ZFHX4: variants seen among roughly 807,000 people sequenced by gnomAD.
ZFHX4 encodes zinc finger homeobox 4.
ZFHX4 carries 56 observed loss-of-function variants against 267.6 expected under a neutral mutation model. The ratio of observed to expected loss-of-function variants is 0.21; its 90% CI spans 0.17 to 0.26. The LOEUF (loss-of-function observed/expected upper bound fraction) is 0.26, where lower values mean the gene tolerates loss of function less well. Among genes scored for constraint, ZFHX4 ranks in the 10% least tolerant of loss-of-function variants. The pLI is 1.00. For synonymous variants in ZFHX4, 1,778 were observed against 1,665.6 expected, an observed-to-expected ratio of 1.07 and a Z score of -1.64; for missense variants, 4,332 against 4,420.0, an observed-to-expected ratio of 0.98 and a Z score of 0.56.
chr8:76,710,959 G>A (rs1389935789), intron 3 of ZFHX4, among the ~76,000 whole-genome samples: 2 of 152,018 alleles, frequency 1.3e-5, no homozygotes, highest in Non-Finnish European at 2.9e-5. Context: ...CAGGATTTAG[G>A]CAGCTTTAAC....
At chr8:76,817,478 C>T (rs12335327) in intron 4 of ZFHX4, among the ~76,000 whole-genome samples, 8,356 of 152,158 alleles carry the variant, frequency 0.055, 419 homozygotes, top group African/African-American at 0.14. Flanking sequence ...TCAAGGGAAG[C>T]GTGGGGAGGT....
Position 76,851,874 on chromosome 8 carries a change from T to A in ZFHX4, c.4953T>A (p.Asp1651Glu). ...ACAGCCCTGGCCAGGGGATGTTAGA[T>A]TCCATGAGTTTAGCAGCTGTAAACA... ...NVNSPGQGML[D>E]SMSLAAVNSK... Residue 1651 changes from aspartate to glutamate, a missense_variant, in exon 10 of 11, where the codon GAT becomes GAA. Asp to Glu is a conservative substitution (Grantham distance 45). Around this residue, in one of 7 missense-constraint regions of ZFHX4, gnomAD observed 1,371 missense variants for 1,423.1 expected, o/e 0.96. Coordinates refer to ENST00000651372, the MANE Select transcript of ZFHX4 (RefSeq NM_024721.5). 6.2e-7 allele frequency: 1 copy of A among 1,613,946 alleles called. No individual in the cohort carries two copies. The highest frequency in any genetic ancestry group is 2.2e-5 in the East Asian group (1 of 44,854).
intron 5 of ZFHX4, among the ~76,000 whole-genome samples, chr8:76,835,245 A>ATATATATATG (rs1554572201): frequency 2.8e-4 from 36 of 129,152 alleles, no homozygotes; most frequent in African/African-American, 9.2e-4. Flanking sequence ...ATATATGTAT[A>ATATATATATG]TATATATATA....
chr8:76,760,819 T>C (rs1809890806), intron 3 of ZFHX4, among the ~76,000 whole-genome samples: 1 of 150,534 alleles, frequency 6.6e-6, no homozygotes, highest in Non-Finnish European at 1.5e-5. Flanking sequence ...TCCCAGCTAC[T>C]TGGGAAGCTG....
chr8:76,774,654 A>C (rs1810357845), intron 3 of ZFHX4, among the ~76,000 whole-genome samples: 1 of 152,128 alleles, frequency 6.6e-6, no homozygotes, highest in Non-Finnish European at 1.5e-5. Context: ...TTTCTCATAA[A>C]AATTAGAATT....
At chr8:76,758,757 G>A (rs1809832596) in intron 3 of ZFHX4, among the ~76,000 whole-genome samples, 1 of 152,108 alleles carries the variant, frequency 6.6e-6, no homozygotes. Flanking sequence ...GCCCCCCAAA[G>A]TGCTGGGATT....
At chr8:76,799,794 C>T (rs931836112) in intron 4 of ZFHX4, among the ~76,000 whole-genome samples, 10 of 152,164 alleles carry the variant, frequency 6.6e-5, no homozygotes, top group Non-Finnish European at 1.5e-4. Flanking sequence ...TTCCTCGTCA[C>T]GATGTGAATC....
chr8:76,711,192 C>T (rs931784827), intron 3 of ZFHX4, among the ~76,000 whole-genome samples: 1 of 152,142 alleles, frequency 6.6e-6, no homozygotes, highest in East Asian at 1.9e-4. Flanking sequence ...TTTTTGGCAG[C>T]ATTATTTTCC....
At chr8:76,752,337 A>T (rs1261144476) in intron 3 of ZFHX4, among the ~76,000 whole-genome samples, 2 of 147,012 alleles carry the variant, frequency 1.4e-5, no homozygotes, top group African/African-American at 5.0e-5. Context: ...AAAGAGTATT[A>T]AAAAAAAAAC....
rs368538831 is a variant in ZFHX4, at chr8:76,783,860, A to G, written c.3325+5421A>G. Among the ~76,000 whole-genome samples, 16 of 152,148 alleles carry G rather than the reference A, an allele frequency of 1.1e-4. No individual in the cohort carries two copies. The East Asian group carries it at 1.9e-3, about 18-fold the overall frequency. ...TCAATAAATATATTAAGAATCGCAA[A>G]CAAATTAAAAATTGAGTATTTCCCA... On this transcript the variant is annotated intron_variant, in intron 4 of 10. Transcript: ENST00000651372.
At chr8:76,771,161 T>C (rs1297231687) in intron 3 of ZFHX4, among the ~76,000 whole-genome samples, 1 of 152,140 alleles carries the variant, frequency 6.6e-6, no homozygotes, top group East Asian at 1.9e-4. Flanking sequence ...GTTGGCATAC[T>C]CAAATAGCAT....
intron 4 of ZFHX4, among the ~76,000 whole-genome samples, chr8:76,803,018 T>C (rs1292147269): frequency 6.6e-6 from 1 of 152,124 alleles, no homozygotes; most frequent in African/African-American, 2.4e-5. Context: ...TTTGTATCCT[T>C]TAGTGGCTCT....
At chr8:76,703,904 T>A in intron 1 of ZFHX4, 139 bp from the exon 2 acceptor site, 1 of 629,144 alleles carries the variant, frequency 1.6e-6, no homozygotes, top group Non-Finnish European at 2.7e-6. Flanking sequence ...CTGTGATAGA[T>A]AGGCACGCCG....
At chr8:76,747,360 T>C (rs1324106891) in intron 3 of ZFHX4, among the ~76,000 whole-genome samples, 1 of 152,152 alleles carries the variant, frequency 6.6e-6, no homozygotes, top group Non-Finnish European at 1.5e-5. Context: ...GGAGTACAAA[T>C]GATGTCACCA....
chr8:76,752,225 A>C lies in ZFHX4; in HGVS notation c.3094-25983A>C, dbSNP rs537905099. Reference sequence around the variant, plus strand: ...AATGGTGTAATGTTCAATTACCTGCATGAAGGCAAGAGAATGAAAAATATT... The same window carrying C: ...AATGGTGTAATGTTCAATTACCTGCCTGAAGGCAAGAGAATGAAAAATATT... On this transcript the variant is annotated intron_variant, in intron 3 of 10. Coordinates refer to ENST00000651372, the MANE Select transcript of ZFHX4 (RefSeq NM_024721.5). 4.0e-3 allele frequency among the ~76,000 whole-genome samples: 616 copies of C among 152,302 alleles called. 2 individuals carry two copies. Among genetic ancestry groups the C allele is most frequent in the Middle Eastern group, 0.01 (3 of 294 alleles).
At chr8:76,752,043 A>T (rs1433657953) in intron 3 of ZFHX4, among the ~76,000 whole-genome samples, 1 of 152,158 alleles carries the variant, frequency 6.6e-6, no homozygotes, top group African/African-American at 2.4e-5. Flanking sequence ...TGAAAATAAG[A>T]TGAGGTTTGA....
Position 76,863,689 on chromosome 8 carries a change from C to A in ZFHX4, c.9975C>A (p.Asn3325Lys), listed in dbSNP as rs754520361. The A allele has an allele frequency of 1.4e-5, 22 of 1,591,288 alleles. No individual in the cohort carries two copies. Among genetic ancestry groups the A allele is most frequent in the Non-Finnish European group, 1.5e-5 (17 of 1,168,276 alleles). Residue 3325 changes from asparagine to lysine, a missense_variant, in exon 11 of 11, where the codon AAC becomes AAA. Transcript: ENST00000651372. Reference protein sequence around the residue: ...LLQQYQQYQQNLQESLQKQQK... With the variant: ...LLQQYQQYQQKLQESLQKQQK... ...AGCAGTACCAACAGTATCAGCAGAA[C>A]CTGCAGGAGTCCCTGCAAAAGCAGC...
rs1179320278 is a variant in ZFHX4 at position 76,712,240 on chromosome 8, CATT to C, written c.3093+4195_3093+4197del. 2.0e-5 allele frequency among the ~76,000 whole-genome samples: 3 copies of C among 152,196 alleles called. No homozygotes were observed. In the East Asian group the frequency reaches 5.8e-4, roughly 29 times the overall value. On this transcript the variant is annotated intron_variant, in intron 3 of 10. Transcript: ENST00000651372. The stretch of plus-strand genomic sequence containing the variant: ...CGTGGAGCATTTTTTGGGTTTTTCT[CATT>C]ATCCATGTTATGGATTAAAGAATCC...
At position 76,853,279 on chromosome 8, in the gene ZFHX4, G is replaced by A. The variant is rs1259452758; in HGVS notation, c.6358G>A (p.Asp2120Asn). The A allele has an allele frequency of 1.2e-6, 2 of 1,604,406 alleles. No individual in the cohort carries two copies. The highest frequency in any genetic ancestry group is 1.7e-6 in the Non-Finnish European group (2 of 1,174,974). Residue 2120 changes from aspartate to asparagine, a missense_variant, in exon 10 of 11, where the codon GAT (aspartate) becomes AAT (asparagine). Asp to Asn is a conservative substitution (Grantham distance 23, BLOSUM62 1). Transcript: ENST00000651372. Reference protein sequence around the residue: ...TQLCQQQLGLDPNFLRHSQFK... With the variant: ...TQLCQQQLGLNPNFLRHSQFK... ...ACTTTGCCAGCAGCAGCTCGGATTA[G>A]ATCCCAACTTCTTAAGACATTCTCA...
Sources: allele counts gnomAD v4.1 joint callset (sites outside exome capture counted in the v4.1 genomes callset), GRCh38; gene constraint gnomAD v4.1.1; regional missense constraint gnomAD v4.1.1; transcripts MANE v1.5; gene names NCBI Gene and HGNC (gene_info 2026-07-23, HGNC 2026-07-21).